ZIM2: variants seen among roughly 807,000 people sequenced by gnomAD.
ZIM2 encodes the protein zinc finger imprinted 2.
ZIM2 carries 14 observed loss-of-function variants against 38.6 expected under a neutral mutation model. That is an observed-to-expected ratio of 0.36 (90% CI 0.24 to 0.57). The LOEUF is 0.57. Among genes scored for constraint, ZIM2 ranks in the 20% least tolerant of loss-of-function variants. The probability of loss-of-function intolerance (pLI) is 0.81; values close to 1 mark genes in which losing one functional copy is unlikely to be tolerated. For synonymous variants in ZIM2, 247 were observed against 245.8 expected, an observed-to-expected ratio of 1.00 and a Z score of -0.04; for missense variants, 680 against 695.1, an observed-to-expected ratio of 0.98 and a Z score of 0.24.
At chr19:56,837,829 C>T (rs1255619585) in intron 1 of ZIM2, among the ~76,000 whole-genome samples, 1 of 152,240 alleles carries the variant, frequency 6.6e-6, no homozygotes, top group African/African-American at 2.4e-5. Flanking sequence ...TCTGCTGCCC[C>T]CGCCACCGGC....
intron 9 of ZIM2, among the ~76,000 whole-genome samples, chr19:56,790,475 A>C (rs1352547325): frequency 6.6e-6 from 1 of 152,184 alleles, no homozygotes; most frequent in Non-Finnish European, 1.5e-5. Flanking sequence ...TGGGACATGA[A>C]TCATCCCTTT....
intron 9 of ZIM2, chr19:56,817,264 C>T (rs1046467329): frequency 6.2e-6 from 10 of 1,613,930 alleles, no homozygotes; most frequent in Middle Eastern, 1.6e-4. Context: ...AAAATGATAG[C>T]GCCTCTTTCT....
intron 9 of ZIM2, among the ~76,000 whole-genome samples, chr19:56,800,934 CTTTTTTTTTT>C (rs776316373): frequency 7.4e-6 from 1 of 135,996 alleles, no homozygotes; most frequent in Non-Finnish European, 1.6e-5. Flanking sequence ...GATGGTATTA[CTTTTTTTTTT>C]TTTTTTTTTG....
At chr19:56,830,310 T>C (rs1308260169) in intron 2 of ZIM2, among the ~76,000 whole-genome samples, 1 of 152,178 alleles carries the variant, frequency 6.6e-6, no homozygotes, top group Non-Finnish European at 1.5e-5. Context: ...ACAAGGAGGA[T>C]GTCCCATCAG....
At chr19:56,777,382 A>G (rs1234518017) in intron 12 of ZIM2, among the ~76,000 whole-genome samples, 2 of 152,184 alleles carry the variant, frequency 1.3e-5, no homozygotes, top group Non-Finnish European at 2.9e-5. Context: ...ATGTTCTGTC[A>G]GTTCTTCTTT....
At chr19:56,781,689 C>T (rs2046340240) in intron 11 of ZIM2, among the ~76,000 whole-genome samples, 1 of 152,170 alleles carries the variant, frequency 6.6e-6, no homozygotes, top group African/African-American at 2.4e-5. Flanking sequence ...ATACCTCCCC[C>T]TCACAGGCCT....
chr19:56,816,005 T>C (rs750063058), intron 9 of ZIM2: 6 of 1,588,500 alleles, frequency 3.8e-6, no homozygotes, highest in Middle Eastern at 1.7e-4. Flanking sequence ...TGATGGTTGA[T>C]AGCATCGAAG....
intron 9 of ZIM2, chr19:56,811,659 C>CT (rs1310188921): frequency 1.0e-6 from 1 of 985,408 alleles, no homozygotes. Flanking sequence ...GACATCAACA[C>CT]TGATTCTCGT....
At chr19:56,821,622 T>C in intron 7 of ZIM2, 29 bp downstream of exon 7, 1 of 1,610,606 alleles carries the variant, frequency 6.2e-7, no homozygotes, top group Non-Finnish European at 8.5e-7. Context: ...AAGATGGCCT[T>C]TCTAGAAAGA....
At chr19:56,813,201 C>CAA (rs35563894) in intron 9 of ZIM2, 81 of 857,016 alleles carry the variant, frequency 9.5e-5, no homozygotes, top group Middle Eastern at 6.0e-4. Flanking sequence ...CTTCCTCCTC[C>CAA]AAAAAAAAAA....
intron 9 of ZIM2, among the ~76,000 whole-genome samples, chr19:56,792,774 T>C (rs1218224407): frequency 6.6e-6 from 1 of 152,110 alleles, no homozygotes; most frequent in Non-Finnish European, 1.5e-5. Context: ...AATATACCCA[T>C]GTAATAAACT....
In ZIM2 at chr19:56,832,326, C is replaced by T. The variant is rs138563399; in HGVS notation, c.-227+3692G>A. 4.4e-3 allele frequency among the ~76,000 whole-genome samples: 671 copies of T among 152,264 alleles called. 7 individuals are homozygous for T. The highest frequency in any genetic ancestry group is 0.015 in the African/African-American group (626 of 41,544). ...CCCTCTGACCCTTAAGCACTCCCAC[C>T]GACAGTACCCTGTGGTCACCATCTG... On this transcript the variant is annotated intron_variant, in intron 2 of 12. Coordinates refer to ENST00000629319, the MANE Select transcript of ZIM2 (RefSeq NM_001387356.1).
intron 9 of ZIM2, chr19:56,817,137 G>A (rs1260877607): frequency 1.9e-6 from 3 of 1,614,166 alleles, no homozygotes; most frequent in Non-Finnish European, 1.7e-6. Flanking sequence ...AGGAGGGGGA[G>A]CTGAGGCTGC....
rs1284137992 is a variant in ZIM2, at chr19:56,775,312, T to C, written c.1053A>G (p.Ser351=). 3.7e-6 allele frequency: 6 copies of C among 1,614,090 alleles called. No individual in the cohort carries two copies. The East Asian group carries it at 8.9e-5, about 24-fold the overall frequency. ...TGTTGTGTTTGTTCTCTTGGGATGC[T>C]GACTGGGGACTCGTACATATTCCAG... The part of the protein sequence containing the change: ...TAPGICTSPQ[S]ASQENKHNRC... The change falls in exon 13 of 13, where the codon TCA becomes TCG. Residue 351 remains serine (S), a synonymous_variant. Coordinates refer to ENST00000629319, the MANE Select transcript of ZIM2 (RefSeq NM_001387356.1).
At chr19:56,796,165 A>T (rs891014465) in intron 9 of ZIM2, among the ~76,000 whole-genome samples, 47 of 152,276 alleles carry the variant, frequency 3.1e-4, no homozygotes, top group African/African-American at 1.1e-3. Context: ...GATTTGTTTT[A>T]GGACCCCCCA....
chr19:56,816,607 G>A (rs1361512227), intron 9 of ZIM2: 1 of 1,613,944 alleles, frequency 6.2e-7, no homozygotes, highest in East Asian at 2.2e-5. Flanking sequence ...ATTAAGGGCT[G>A]GGCTGGGCCT....
At chr19:56,783,143 G>A (rs1163932049) in intron 10 of ZIM2, among the ~76,000 whole-genome samples, 2 of 151,966 alleles carry the variant, frequency 1.3e-5, no homozygotes, top group Non-Finnish European at 2.9e-5. Context: ...TAGCATGTTT[G>A]GAACATCCAA....
intron 7 of ZIM2, 70 bp from the exon 8 acceptor site, chr19:56,818,772 G>C (rs2060211408): frequency 7.8e-6 from 12 of 1,544,248 alleles, no homozygotes; most frequent in Non-Finnish European, 1.1e-5. Flanking sequence ...AATAATGTTG[G>C]CAACATGGGA....
rs1324071666 is a variant in ZIM2 at position 56,811,643 on chromosome 19, C to CA, written c.490+6102dup. On this transcript the variant is annotated intron_variant, in intron 9 of 12. Coordinates refer to ENST00000629319, the MANE Select transcript of ZIM2 (RefSeq NM_001387356.1). ...CACCAAGTAATGTACCCACAAAGTT[C>CA]ACCCCGACATCAACACTGATTCTCG... is the stretch of plus-strand genomic sequence containing the variant. The CA allele has an allele frequency of 4.1e-5, 40 of 984,524 alleles. No homozygotes were observed. In the South Asian group the frequency reaches 1.7e-3, roughly 43 times the overall value. The allele number at this position is 984,524 out of a possible 1,614,324, so 61.0% of individuals were successfully genotyped here. A position where few individuals can be genotyped will look rare whatever the true frequency, so the allele number is the denominator to read the frequency against.
Sources: allele counts gnomAD v4.1 joint callset (sites outside exome capture counted in the v4.1 genomes callset), GRCh38; gene constraint gnomAD v4.1.1; transcripts MANE v1.5; gene names NCBI Gene and HGNC (gene_info 2026-07-23, HGNC 2026-07-21).